LAMA2: variants seen among roughly 807,000 people sequenced by gnomAD.
LAMA2 encodes laminin subunit alpha 2, also known as laminin subunit alpha-2.
A neutral mutation model predicts 364.8 loss-of-function variants in LAMA2; 269 were observed. That is an observed-to-expected ratio of 0.74 (90% confidence interval 0.67 to 0.82). LAMA2 has a LOEUF of 0.82. LAMA2 is among the 40% of genes least tolerant of loss of function. The pLI is 0.00. For synonymous variants in LAMA2, 1,379 were observed against 1,370.6 expected, an observed-to-expected ratio of 1.01 and a Z score of -0.14; for missense variants, 3,807 against 3,873.2, an observed-to-expected ratio of 0.98 and a Z score of 0.45.
chr6:129,330,537 T>C (rs1427701047), intron 29 of LAMA2, among the ~76,000 whole-genome samples: 1 of 151,918 alleles, frequency 6.6e-6, no homozygotes, highest in East Asian at 1.9e-4. Context: ...CTCTTCACTT[T>C]CAGTTTCTTG....
At chr6:129,435,062 T>C (rs946998319) in intron 41 of LAMA2, among the ~76,000 whole-genome samples, 1 of 151,922 alleles carries the variant, frequency 6.6e-6, no homozygotes, top group Non-Finnish European at 1.5e-5. Flanking sequence ...GCAGTAAAAA[T>C]ATTCTTCAGG....
At chr6:129,019,976 T>C (rs1464386959) in intron 1 of LAMA2, among the ~76,000 whole-genome samples, 1 of 151,556 alleles carries the variant, frequency 6.6e-6, no homozygotes, top group Non-Finnish European at 1.5e-5. Context: ...TCCCAGCTAC[T>C]CAGGAGGCTG....
intron 1 of LAMA2, among the ~76,000 whole-genome samples, chr6:129,035,226 T>A (rs556419663): frequency 6.6e-6 from 1 of 152,152 alleles, no homozygotes; most frequent in Admixed American, 6.5e-5. Flanking sequence ...TGCATCTCCC[T>A]GATGATTAGT....
At chr6:129,059,699 A>AT (rs71785506) in intron 2 of LAMA2, 85 bp from the exon 3 acceptor site, 187 of 825,144 alleles carry the variant, frequency 2.3e-4, no homozygotes, top group East Asian at 3.2e-4. Context: ...TGTTTTAACC[A>AT]TTTTTTTTTA....
At position 129,346,396 on chromosome 6, in the gene LAMA2, T is replaced by A. The variant is rs1207311376; in HGVS notation, c.4437-2902T>A. 5.3e-5 allele frequency among the ~76,000 whole-genome samples: 8 copies of A among 152,190 alleles called. No homozygotes were observed. In the South Asian group the frequency reaches 8.3e-4, roughly 16 times the overall value. On this transcript the variant is annotated intron_variant, in intron 30 of 64. Coordinates refer to ENST00000421865, the MANE Select transcript of LAMA2 (RefSeq NM_000426.4). ...AACCCTACCTCTGCCACAAAACCTA[T>A]CCATAGCACAGAATGTATTTTGTAC... is the stretch of plus-strand genomic sequence containing the variant.
At chr6:128,903,228 A>C (rs966049497) in intron 1 of LAMA2, among the ~76,000 whole-genome samples, 11 of 152,170 alleles carry the variant, frequency 7.2e-5, no homozygotes, top group African/African-American at 2.7e-4. Context: ...TTTGTGCATT[A>C]CATTTCATTG....
chr6:129,210,385 G>A (rs896146124), intron 12 of LAMA2, among the ~76,000 whole-genome samples: 2 of 143,474 alleles, frequency 1.4e-5, no homozygotes, highest in South Asian at 2.2e-4. Flanking sequence ...ATTAGAAACC[G>A]AACCACGCAT....
At chr6:129,138,159 A>C (rs1777912949) in intron 4 of LAMA2, among the ~76,000 whole-genome samples, 1 of 152,054 alleles carries the variant, frequency 6.6e-6, no homozygotes, top group South Asian at 2.1e-4. Flanking sequence ...TCCAATACAT[A>C]TATTTGAGTG....
chr6:129,014,074 T>G (rs1298506581), intron 1 of LAMA2, among the ~76,000 whole-genome samples: 1 of 152,168 alleles, frequency 6.6e-6, no homozygotes. Flanking sequence ...AGCAACTGCA[T>G]GGATGGTGAT....
intron 10 of LAMA2, among the ~76,000 whole-genome samples, chr6:129,189,471 A>G (rs1216249400): frequency 2.0e-5 from 3 of 152,056 alleles, no homozygotes; most frequent in Non-Finnish European, 2.9e-5. Flanking sequence ...GCTCAACTAT[A>G]TACAAATAAT....
chr6:129,270,796 T>C, intron 17 of LAMA2, 45 bp downstream of exon 17: 1 of 1,596,102 alleles, frequency 6.3e-7, no homozygotes, highest in Non-Finnish European at 8.6e-7. Flanking sequence ...CATCCATTTC[T>C]GCAAGTACAC....
At chr6:129,358,280 A>G (rs1374293731) in intron 32 of LAMA2, among the ~76,000 whole-genome samples, 1 of 151,990 alleles carries the variant, frequency 6.6e-6, no homozygotes, top group Non-Finnish European at 1.5e-5. Flanking sequence ...GTTAGAGATC[A>G]GTCTCAGTGG....
intron 1 of LAMA2, among the ~76,000 whole-genome samples, chr6:128,906,817 G>T (rs1445136571): frequency 1.5e-4 from 22 of 149,888 alleles, no homozygotes; most frequent in African/African-American, 5.4e-4. Context: ...TTTGTATAAG[G>T]TGTAAGGAAG....
intron 4 of LAMA2, among the ~76,000 whole-genome samples, chr6:129,110,222 G>C (rs1368461137): frequency 1.3e-5 from 2 of 151,904 alleles, no homozygotes; most frequent in Non-Finnish European, 2.9e-5. Context: ...GAAGTGTATT[G>C]AGATTACCAA....
Position 129,492,399 on chromosome 6 carries a change from T to C in LAMA2, c.8160T>C (p.Asp2720=). Residue 2720 remains aspartate, a synonymous_variant, in exon 58 of 65, where the codon GAT becomes GAC. Transcript: ENST00000421865. ...CAHQKLREDE[D]GAAPAEIVIQ... is the part of the protein sequence containing the mutation. ...ATCAGAAACTCCGTGAAGATGAAGA[T>C]GGAGCAGCTCCAGCTGAAATAGTTA... 2 of 1,614,190 alleles carry C rather than the reference T, an allele frequency of 1.2e-6. No homozygotes were observed. Among genetic ancestry groups the C allele is most frequent in the Non-Finnish European group, 1.7e-6 (2 of 1,179,988 alleles).
rs1786131458 is a variant in LAMA2 at position 129,030,271 on chromosome 6, T to C, written c.113-19647T>C. Among the ~76,000 whole-genome samples, 5 of 152,236 alleles carry C rather than the reference T, an allele frequency of 3.3e-5. No homozygotes were observed. The South Asian group carries it at 1.0e-3, about 32-fold the overall frequency. On this transcript the variant is annotated intron_variant, in intron 1 of 64. Transcript: ENST00000421865. ...ATGTAGAAATACATCTCAAAAATTA[T>C]GCAGAAGTTCTATCATATAATGTTC...
intron 58 of LAMA2, among the ~76,000 whole-genome samples, chr6:129,494,470 A>G (rs532868626): frequency 1.3e-5 from 2 of 152,368 alleles, no homozygotes; most frequent in Admixed American, 1.3e-4. Flanking sequence ...AAAACTGGAA[A>G]AAGCATACCC....
intron 15 of LAMA2, among the ~76,000 whole-genome samples, chr6:129,266,879 T>G (rs1787554092): frequency 6.6e-6 from 1 of 152,104 alleles, no homozygotes; most frequent in South Asian, 2.1e-4. Flanking sequence ...ACCAAGCTAA[T>G]GCTTCCTCTA....
intron 12 of LAMA2, among the ~76,000 whole-genome samples, chr6:129,243,207 A>T (rs1425209106): frequency 2.6e-5 from 4 of 152,128 alleles, no homozygotes; most frequent in African/African-American, 9.7e-5. Context: ...AGCTGAGTAC[A>T]TGGAAAGTAT....
Sources: gnomAD v4.1 joint callset for allele counts (sites outside exome capture counted in the v4.1 genomes callset) on GRCh38, gnomAD v4.1.1 for gene constraint, MANE v1.5 for transcripts, NCBI Gene and HGNC (gene_info 2026-07-23, HGNC 2026-07-21) for gene names.